Variants in TMLHE observed in about 807,000 individuals in gnomAD.
TMLHE encodes trimethyllysine dioxygenase, mitochondrial.
In TMLHE, 18 loss-of-function variants were observed where a neutral mutation model predicts 25.7. That is an observed-to-expected ratio of 0.70 (90% CI 0.48 to 1.04). The LOEUF is 1.04. Among genes scored for constraint, TMLHE ranks in the 50% least tolerant of loss-of-function variants. TMLHE has a pLI of 0.00. For missense variants in TMLHE, 236 were observed against 259.0 expected (o/e 0.91, Z 0.61); for synonymous variants, 105 against 97.0 (o/e 1.08, Z -0.49).
At chrX:155,511,590 C>G (rs1017543522) in intron 5 of TMLHE, 83 bp downstream of exon 5, 2 of 989,970 alleles carry the variant, frequency 2.0e-6, no homozygotes, top group African/African-American at 3.9e-5. Flanking sequence ...GATCTTGGTT[C>G]GAACAGAATG....
Position 155,563,989 on chromosome X carries a change from T to C in TMLHE, c.-1-18712A>G, listed in dbSNP as rs1362615233. Among the ~76,000 whole-genome samples the C allele has an allele frequency of 8.1e-5, 5 of 61,810 alleles. No homozygotes were observed. In the South Asian group the frequency reaches 2.9e-3, roughly 36 times the overall value. The allele number at this position is 61,810 out of a possible 115,157, so 53.7% of individuals were successfully genotyped here. On this transcript the variant is annotated intron_variant, in intron 1 of 7. Transcript: ENST00000334398. ...CTCCATCACAATCAGCAAAATAATATGTTGGATTGCATGAATTAAAAGAAT... is the reference window on the plus strand; with the variant it reads ...CTCCATCACAATCAGCAAAATAATACGTTGGATTGCATGAATTAAAAGAAT...
intron 1 of TMLHE, among the ~76,000 whole-genome samples, chrX:155,604,690 G>A (rs2067776792): frequency 9.0e-6 from 1 of 111,379 alleles, no homozygotes; most frequent in Non-Finnish European, 1.9e-5. Context: ...AGGGAGCATG[G>A]CCGCAAACAC....
intron 1 of TMLHE, among the ~76,000 whole-genome samples, chrX:155,561,168 C>A (rs2067494625): frequency 1.6e-5 from 1 of 61,310 alleles, no homozygotes; most frequent in South Asian, 9.8e-4. Context: ...TAAAGGACTA[C>A]CTGAAACTGG....
intron 2 of TMLHE, among the ~76,000 whole-genome samples, chrX:155,536,280 T>C (rs2067278519): frequency 9.0e-6 from 1 of 111,388 alleles, no homozygotes; most frequent in South Asian, 3.8e-4. Flanking sequence ...ATTCATTAAA[T>C]GTTTGTTGAA....
intron 1 of TMLHE, among the ~76,000 whole-genome samples, chrX:155,594,777 A>C (rs1557346356): frequency 8.9e-6 from 1 of 111,740 alleles, no homozygotes; most frequent in Non-Finnish European, 1.9e-5. Context: ...ATAAAAGTTA[A>C]GTTCTTATCA....
At chrX:155,544,399 T>C (rs1341500226) in intron 2 of TMLHE, among the ~76,000 whole-genome samples, 2 of 111,793 alleles carry the variant, frequency 1.8e-5, no homozygotes, top group Non-Finnish European at 3.8e-5. Context: ...AAGAAGGCCA[T>C]GTGAATATGA....
At chrX:155,577,208 A>C (rs1557343879) in intron 1 of TMLHE, among the ~76,000 whole-genome samples, 1 of 112,262 alleles carries the variant, frequency 8.9e-6, no homozygotes, top group African/African-American at 3.2e-5. Flanking sequence ...ATGAACAGAT[A>C]CTTTTCAAAA....
intron 1 of TMLHE, among the ~76,000 whole-genome samples, chrX:155,568,766 C>T (rs1395993899): frequency 1.5e-4 from 9 of 61,597 alleles, no homozygotes; most frequent in African/African-American, 2.9e-4. Context: ...AGACCTGCAG[C>T]TGAGGGTCCT....
At chrX:155,557,431 T>A (rs2067465292) in intron 1 of TMLHE, among the ~76,000 whole-genome samples, 1 of 112,258 alleles carries the variant, frequency 8.9e-6, no homozygotes, top group African/African-American at 3.2e-5. Flanking sequence ...ACTAAATGGA[T>A]GTTGTTTTAA....
chrX:155,548,095 C>A (rs782738770), intron 1 of TMLHE, among the ~76,000 whole-genome samples: 3 of 111,717 alleles, frequency 2.7e-5, no homozygotes, highest in Admixed American at 9.5e-5. Flanking sequence ...AAAATACAAT[C>A]TAAGTGAATT....
rs1247571536 is a variant in TMLHE, at chrX:155,572,131, G to A, written c.-1-26854C>T. 9.5e-4 allele frequency among the ~76,000 whole-genome samples: 53 copies of A among 55,500 alleles called. 12 individuals are homozygous for A. The highest frequency in any genetic ancestry group is 2.2e-3 in the African/African-American group (51 of 22,775). The allele number at this position is 55,500 out of a possible 115,157, so 48.2% of individuals were successfully genotyped here. On this transcript the variant is annotated intron_variant, in intron 1 of 7. Coordinates refer to ENST00000334398, the MANE Select transcript of TMLHE (RefSeq NM_018196.4). ...CTCCTTAAGCTGATAAGCAACTTCA[G>A]CAAAGTCTCAGGATACAAAATCAAT...
chrX:155,603,617 C>T (rs1232547085), intron 1 of TMLHE, among the ~76,000 whole-genome samples: 3 of 111,257 alleles, frequency 2.7e-5, no homozygotes, highest in African/African-American at 9.8e-5. Context: ...GGATATAAAC[C>T]CTTATATTTA....
rs1289573414 is a variant in TMLHE at position 155,561,428 on chromosome X, T to C, written c.-1-16151A>G. Among the ~76,000 whole-genome samples, 3 of 60,812 alleles carry C rather than the reference T, an allele frequency of 4.9e-5. 1 individual carries two copies. The highest frequency in any genetic ancestry group is 3.9e-4 in the Admixed American group (2 of 5,162). The allele number at this position is 60,812 out of a possible 115,157, so 52.8% of individuals were successfully genotyped here. On this transcript the variant is annotated intron_variant, in intron 1 of 7. Coordinates refer to ENST00000334398, the MANE Select transcript of TMLHE (RefSeq NM_018196.4). The stretch of plus-strand genomic sequence containing the variant: ...TTCCCACCAGGCCCCTCCTCTAACA[T>C]TGGGGATTACAATTAGACATGAGAC...
chrX:155,583,906 C>T (rs1335565343), intron 1 of TMLHE, among the ~76,000 whole-genome samples: 1 of 110,672 alleles, frequency 9.0e-6, no homozygotes, highest in Non-Finnish European at 1.9e-5. Context: ...CATTACTAGG[C>T]AATATATCCA....
At chrX:155,546,540 G>T (rs781896930) in intron 1 of TMLHE, among the ~76,000 whole-genome samples, 7 of 111,181 alleles carry the variant, frequency 6.3e-5, no homozygotes, top group Non-Finnish European at 1.3e-4. Flanking sequence ...GCATGCGTAT[G>T]TGTGGGTATG....
intron 1 of TMLHE, among the ~76,000 whole-genome samples, chrX:155,548,601 G>C (rs187632888): frequency 9.2e-6 from 1 of 108,697 alleles, no homozygotes; most frequent in Non-Finnish European, 1.9e-5. Context: ...CGGGTGTGGT[G>C]GCACACACCT....
Position 155,560,214 on chromosome X carries a change from C to T in TMLHE, c.-1-14937G>A, listed in dbSNP as rs782551501. On this transcript the variant is annotated intron_variant, in intron 1 of 7. Coordinates refer to ENST00000334398, the MANE Select transcript of TMLHE (RefSeq NM_018196.4). ...GCCTTCTCTGCTTACCATGCTCTCCCCTTCATTCTTCCTGCTCGTTCCTTA... is the reference window on the plus strand; with the variant it reads ...GCCTTCTCTGCTTACCATGCTCTCCTCTTCATTCTTCCTGCTCGTTCCTTA... 1.9e-4 allele frequency among the ~76,000 whole-genome samples: 21 copies of T among 111,478 alleles called. 1 individual carries two copies. Among genetic ancestry groups the T allele is most frequent in the African/African-American group, 6.5e-4 (20 of 30,850 alleles).
At chrX:155,535,191 G>C (rs1421087505) in intron 2 of TMLHE, among the ~76,000 whole-genome samples, 2 of 111,979 alleles carry the variant, frequency 1.8e-5, no homozygotes, top group African/African-American at 6.5e-5. Flanking sequence ...GACAACCATG[G>C]GACAGAGATT....
intron 1 of TMLHE, among the ~76,000 whole-genome samples, chrX:155,610,218 G>A (rs2067810691): frequency 8.9e-6 from 1 of 112,305 alleles, no homozygotes; most frequent in Non-Finnish European, 1.9e-5. Flanking sequence ...AAGGAATGAA[G>A]TATTTATATA....
Sources: allele counts gnomAD v4.1 joint callset (sites outside exome capture counted in the v4.1 genomes callset), GRCh38; gene constraint gnomAD v4.1.1; transcripts MANE v1.5; gene names NCBI Gene and HGNC (gene_info 2026-07-23, HGNC 2026-07-21).